FRMPD3: variants seen among roughly 807,000 people sequenced by gnomAD.
FRMPD3 encodes FERM and PDZ domain-containing protein 3.
In FRMPD3, 42 loss-of-function variants were observed where a neutral mutation model predicts 97.9. The observed-to-expected ratio is 0.43, with a 90% CI of 0.34 to 0.55. FRMPD3 has a LOEUF of 0.55. Among genes scored for constraint, FRMPD3 ranks in the 20% least tolerant of loss-of-function variants. The pLI is 0.03. For missense variants in FRMPD3, 1,303 were observed against 1,457.7 expected (o/e 0.89, Z 1.73); for synonymous variants, 577 against 581.1 (o/e 0.99, Z 0.10).
At chrX:107,473,949 G>A (rs1414320985) in intron 1 of FRMPD3, among the ~76,000 whole-genome samples, 3 of 112,176 alleles carry the variant, frequency 2.7e-5, no homozygotes, top group African/African-American at 9.7e-5. Flanking sequence ...GCTGGGAGTG[G>A]TGGTGGGCAC....
chrX:107,490,269 T>C lies in FRMPD3; in HGVS notation c.-7-36313T>C, dbSNP rs765749578. On this transcript the variant is annotated intron_variant, in intron 1 of 14. Coordinates refer to ENST00000683843, the MANE Select transcript of FRMPD3 (RefSeq NM_001388459.1). ...TGTAGTATAGTTTGAAGTTGGGTAGTGTGATGCCTCCAGCTTTGTTCTTTT... is the reference window on the plus strand; with the variant it reads ...TGTAGTATAGTTTGAAGTTGGGTAGCGTGATGCCTCCAGCTTTGTTCTTTT... 3.4e-3 allele frequency among the ~76,000 whole-genome samples: 377 copies of C among 112,266 alleles called. 4 individuals carry two copies. The highest frequency in any genetic ancestry group is 0.012 in the African/African-American group (357 of 30,941).
intron 12 of FRMPD3, among the ~76,000 whole-genome samples, chrX:107,570,088 G>GAGAA (rs574312135): frequency 1.1e-5 from 1 of 94,107 alleles, no homozygotes; most frequent in East Asian, 3.3e-4. Flanking sequence ...GAAGGAAAGA[G>GAGAA]AGAAAGAAAG....
intron 4 of FRMPD3, chrX:107,545,237 A>G (rs963641165): frequency 8.9e-6 from 1 of 111,931 alleles, no homozygotes; most frequent in African/African-American, 3.3e-5. Context: ...CTGTGGATAA[A>G]TCCTTTTGGA....
intron 12 of FRMPD3, among the ~76,000 whole-genome samples, chrX:107,571,713 G>A (rs915332630): frequency 7.1e-5 from 8 of 112,360 alleles, no homozygotes; most frequent in Non-Finnish European, 1.5e-4. Context: ...GCAGCTCAGC[G>A]GTCAGAATGT....
chrX:107,463,840 T>A lies in FRMPD3; in HGVS notation c.-8+13835T>A, dbSNP rs183217113. Reference sequence around the variant, plus strand: ...GCATTTCTGATCCCATTAGTGCAGATTAGTTTATCAGATTAACTAGCTGTC... The same window carrying A: ...GCATTTCTGATCCCATTAGTGCAGAATAGTTTATCAGATTAACTAGCTGTC... On this transcript the variant is annotated intron_variant, in intron 1 of 14. Coordinates refer to ENST00000683843, the MANE Select transcript of FRMPD3 (RefSeq NM_001388459.1). Among the ~76,000 whole-genome samples the A allele has an allele frequency of 1.1e-4, 12 of 112,599 alleles. No homozygotes were observed. The East Asian group carries it at 3.3e-3, about 31-fold the overall frequency.
In FRMPD3 at chrX:107,603,734, AAGCAAGCG is replaced by A; in HGVS notation, c.*362_*369del. ...TGGGCGCTGGGGGAGCCAGGGCCTG[AAGCAAGCG>A]GACCCTCAGGCTTTGAGCTCCTCGT... On this transcript the variant is annotated 3_prime_UTR_variant, in exon 15 of 15. Coordinates refer to ENST00000683843, the MANE Select transcript of FRMPD3 (RefSeq NM_001388459.1). 2 of 157,730 alleles carry A rather than the reference AAGCAAGCG, an allele frequency of 1.3e-5. No individual in the cohort carries two copies. Among genetic ancestry groups the A allele is most frequent in the Admixed American group, 7.2e-5 (1 of 13,870 alleles). 13.0% of individuals were successfully genotyped at this position (157,730 alleles called of 1,213,427 possible).
chrX:107,490,295 G>C (rs758829645), intron 1 of FRMPD3, among the ~76,000 whole-genome samples: 1 of 111,954 alleles, frequency 8.9e-6, no homozygotes, highest in South Asian at 3.8e-4. Context: ...TTGTTCTTTT[G>C]GCTTAGGATT....
intron 4 of FRMPD3, among the ~76,000 whole-genome samples, chrX:107,540,878 C>T (rs1263025632): frequency 8.9e-6 from 1 of 112,308 alleles, no homozygotes; most frequent in Non-Finnish European, 1.9e-5. Flanking sequence ...AACAAGCACT[C>T]CTCAGTGATT....
chrX:107,524,417 G>T (rs756317926), intron 1 of FRMPD3, among the ~76,000 whole-genome samples: 1 of 112,144 alleles, frequency 8.9e-6, no homozygotes, highest in Non-Finnish European at 1.9e-5. Context: ...CCAGAGACTT[G>T]ACCTCATCCT....
intron 13 of FRMPD3, among the ~76,000 whole-genome samples, chrX:107,595,799 G>A (rs377395449): frequency 9.5e-4 from 104 of 109,758 alleles, no homozygotes; most frequent in African/African-American, 3.3e-3. Flanking sequence ...TTAGTCGGGC[G>A]TGGTGGCAGG....
At chrX:107,600,021 C>T (rs184603280) in intron 14 of FRMPD3, among the ~76,000 whole-genome samples, 99 of 112,045 alleles carry the variant, frequency 8.8e-4, no homozygotes, top group African/African-American at 3.1e-3. Context: ...TTTTTCTTGT[C>T]ATTATTCCCT....
chrX:107,600,702 A>G lies in FRMPD3; in HGVS notation c.2663A>G (p.Gln888Arg). The change falls in exon 15 of 15, where the codon CAG (glutamine) becomes CGG (arginine). Residue 888 changes from glutamine (Q) to arginine (R), a missense_variant. This residue lies in a region of FRMPD3 where 764 missense variants were observed against 820.2 expected (regional missense o/e 0.93). Transcript: ENST00000683843. ...GCACTGTCCCCACAGCTTAGTGAAC[A>G]GAAGAATCTGAGTCTGCTGTCCCCA... is the stretch of plus-strand genomic sequence containing the variant. ...HPALSPQLSE[Q>R]KNLSLLSPVP... 1 of 1,203,844 alleles carries G rather than the reference A, an allele frequency of 8.3e-7. No individual in the cohort carries two copies. Among genetic ancestry groups the G allele is most frequent in the Non-Finnish European group, 1.1e-6 (1 of 891,733 alleles).
At chrX:107,491,228 T>C (rs1344534210) in intron 1 of FRMPD3, among the ~76,000 whole-genome samples, 1 of 112,230 alleles carries the variant, frequency 8.9e-6, no homozygotes, top group Admixed American at 9.4e-5. Flanking sequence ...CATAATGTCA[T>C]CATATCAGCT....
chrX:107,499,431 G>T (rs1445188278), intron 1 of FRMPD3, among the ~76,000 whole-genome samples: 1 of 112,038 alleles, frequency 8.9e-6, no homozygotes, highest in African/African-American at 3.3e-5. Context: ...GAACCTCCAT[G>T]ATTGGCTCTA....
intron 12 of FRMPD3, among the ~76,000 whole-genome samples, chrX:107,570,443 T>G (rs1333332461): frequency 9.1e-6 from 1 of 110,176 alleles, no homozygotes; most frequent in Non-Finnish European, 1.9e-5. Context: ...TGACTGCACA[T>G]TAGAATCATA....
chrX:107,501,218 C>T (rs955281567), intron 1 of FRMPD3, among the ~76,000 whole-genome samples: 5 of 108,595 alleles, frequency 4.6e-5, no homozygotes, highest in Non-Finnish European at 7.6e-5. Context: ...ATTGCAAAGG[C>T]CTGCAGAATG....
intron 1 of FRMPD3, among the ~76,000 whole-genome samples, chrX:107,458,306 A>G (rs1355253064): frequency 1.8e-5 from 2 of 112,285 alleles, no homozygotes; most frequent in African/African-American, 6.5e-5. Context: ...ATACTCATTC[A>G]TATGAAGTAA....
At position 107,602,692 on chromosome X, in the gene FRMPD3, C is replaced by T. The variant is rs779336766; in HGVS notation, c.4653C>T (p.Ser1551=). 1.7e-6 allele frequency: 2 copies of T among 1,209,298 alleles called. No homozygotes were observed. The highest frequency in any genetic ancestry group is 2.2e-6 in the Non-Finnish European group (2 of 895,163). ...AGGTGCTGGATGCTGCTACCTGCAG[C>T]AGCAGCAGCCCTGAGGCCTCCCGCA... ...TLQVLDAATC[S]SSSPEASRTQ... The change falls in exon 15 of 15, where the codon AGC becomes AGT. Residue 1551 remains serine, a synonymous_variant. Coordinates refer to ENST00000683843, the MANE Select transcript of FRMPD3 (RefSeq NM_001388459.1).
intron 8 of FRMPD3, chrX:107,554,713 A>G: frequency 2.4e-6 from 1 of 416,790 alleles, no homozygotes; most frequent in Non-Finnish European, 4.1e-6. Context: ...AGTCCTGTCT[A>G]TTTGTCCACT....
Sources: gnomAD v4.1 joint callset for allele counts (sites outside exome capture counted in the v4.1 genomes callset) on GRCh38, gnomAD v4.1.1 for gene constraint, gnomAD v4.1.1 regional missense constraint, MANE v1.5 for transcripts, NCBI Gene and HGNC (gene_info 2026-07-23, HGNC 2026-07-21) for gene names.